KCNH8: variants seen among roughly 807,000 people sequenced by gnomAD.
KCNH8 encodes potassium voltage-gated channel subfamily H member 8.
A neutral mutation model predicts 103.6 loss-of-function variants in KCNH8; 70 were observed. That is an observed-to-expected ratio of 0.68 (90% confidence interval 0.56 to 0.82). KCNH8 has a LOEUF of 0.82. Ranked by LOEUF, KCNH8 falls within the 40% of genes least tolerant of loss-of-function variation. KCNH8 has a pLI of 0.00. For missense variants in KCNH8, 1,217 were observed against 1,329.9 expected, an observed-to-expected ratio of 0.92 and a Z score of 1.32; for synonymous variants, 498 against 489.4, an observed-to-expected ratio of 1.02 and a Z score of -0.23.
intron 2 of KCNH8, 141 bp from the exon 3 acceptor site, chr3:19,281,057 A>G (rs2064750262): frequency 1.3e-6 from 1 of 789,722 alleles, no homozygotes; most frequent in Non-Finnish European, 2.0e-6. Context: ...ATGGAACCTG[A>G]AAACTGACAT....
intron 7 of KCNH8, among the ~76,000 whole-genome samples, chr3:19,432,556 CT>C (rs1414801582): frequency 6.6e-6 from 1 of 151,950 alleles, no homozygotes; most frequent in Non-Finnish European, 1.5e-5. Context: ...TGTTTTTGTC[CT>C]GATGTAATGC....
At chr3:19,219,903 A>G (rs1397463847) in intron 1 of KCNH8, among the ~76,000 whole-genome samples, 2 of 152,188 alleles carry the variant, frequency 1.3e-5, no homozygotes, top group Non-Finnish European at 2.9e-5. Context: ...ACTAGCATCA[A>G]AAGCAAAAAG....
At chr3:19,372,093 G>A (rs1042897896) in intron 5 of KCNH8, among the ~76,000 whole-genome samples, 30 of 152,190 alleles carry the variant, frequency 2.0e-4, no homozygotes, top group South Asian at 1.2e-3. Context: ...TTGGCGATGC[G>A]GGCTCTTTTT....
chr3:19,290,849 A>G (rs1488471997), intron 3 of KCNH8, among the ~76,000 whole-genome samples: 1 of 152,180 alleles, frequency 6.6e-6, no homozygotes, highest in African/African-American at 2.4e-5. Context: ...TACCTGTGGT[A>G]GAATTCGGCT....
intron 11 of KCNH8, among the ~76,000 whole-genome samples, chr3:19,506,286 G>T (rs888026415): frequency 6.6e-6 from 1 of 152,106 alleles, no homozygotes; most frequent in African/African-American, 2.4e-5. Flanking sequence ...TGTGTGGGCT[G>T]GTGTTCCTTT....
chr3:19,155,434 C>T (rs2063171500), intron 1 of KCNH8, among the ~76,000 whole-genome samples: 1 of 152,150 alleles, frequency 6.6e-6, no homozygotes. Context: ...GTCCCTTCTA[C>T]TCCCACTTGT....
chr3:19,246,232 A>G (rs1004455910), intron 1 of KCNH8, among the ~76,000 whole-genome samples: 10 of 150,376 alleles, frequency 6.7e-5, no homozygotes, highest in Non-Finnish European at 1.3e-4. Context: ...AACCATTCAA[A>G]TGAATGATTA....
rs189370654 is a variant in KCNH8 at position 19,414,584 on chromosome 3, C to T, written c.1177+19273C>T. Among the ~76,000 whole-genome samples, 612 of 152,006 alleles carry T rather than the reference C, an allele frequency of 4.0e-3. 5 individuals are homozygous for T. The highest frequency in any genetic ancestry group is 0.014 in the African/African-American group (576 of 41,532). ...CTTATTTGGGATAAAAAAGGAAATACACACACAAAAGGATTGAAAATAAAC... is the reference window on the plus strand; with the variant it reads ...CTTATTTGGGATAAAAAAGGAAATATACACACAAAAGGATTGAAAATAAAC... On this transcript the variant is annotated intron_variant, in intron 7 of 15. Transcript: ENST00000328405.
At chr3:19,322,293 A>G (rs1237674713) in intron 3 of KCNH8, among the ~76,000 whole-genome samples, 1 of 152,064 alleles carries the variant, frequency 6.6e-6, no homozygotes, top group Non-Finnish European at 1.5e-5. Context: ...TGTGAGATTT[A>G]TGCTTTAAGA....
At chr3:19,164,102 A>G (rs1416689960) in intron 1 of KCNH8, among the ~76,000 whole-genome samples, 1 of 152,204 alleles carries the variant, frequency 6.6e-6, no homozygotes, top group Non-Finnish European at 1.5e-5. Flanking sequence ...AACAGCTGAT[A>G]TAACACTGAT....
intron 1 of KCNH8, among the ~76,000 whole-genome samples, chr3:19,240,180 T>C (rs1043761300): frequency 5.3e-5 from 8 of 152,212 alleles, no homozygotes; most frequent in African/African-American, 1.7e-4. Context: ...TTTCTCCTGA[T>C]TTTTTTCAAC....
intron 3 of KCNH8, among the ~76,000 whole-genome samples, chr3:19,296,659 A>G (rs1221207111): frequency 1.3e-5 from 2 of 152,218 alleles, no homozygotes; most frequent in African/African-American, 2.4e-5. Flanking sequence ...ATGCAAAAGC[A>G]TAAGAATGAT....
chr3:19,531,551 T>G (rs1173359388), intron 15 of KCNH8, among the ~76,000 whole-genome samples: 2 of 152,208 alleles, frequency 1.3e-5, no homozygotes, highest in African/African-American at 4.8e-5. Flanking sequence ...ATGCCAGCAG[T>G]AGGGCAGAAA....
intron 4 of KCNH8, chr3:19,346,747 C>T (rs909179463): frequency 3.3e-5 from 15 of 453,562 alleles, no homozygotes; most frequent in South Asian, 1.4e-4. Context: ...AATATGTATT[C>T]GGGAATTTAT....
intron 1 of KCNH8, among the ~76,000 whole-genome samples, chr3:19,205,850 G>A (rs1298959085): frequency 2.0e-5 from 3 of 151,904 alleles, no homozygotes; most frequent in Non-Finnish European, 2.9e-5. Flanking sequence ...TGGGGGAACA[G>A]GGGGTATTTG....
intron 1 of KCNH8, among the ~76,000 whole-genome samples, chr3:19,198,468 T>A (rs1575430005): frequency 6.6e-6 from 1 of 151,940 alleles, no homozygotes; most frequent in African/African-American, 2.4e-5. Flanking sequence ...GTCACAGAGG[T>A]CCATCCTGCC....
At chr3:19,392,867 TA>T (rs1442916960) in intron 6 of KCNH8, among the ~76,000 whole-genome samples, 1 of 152,020 alleles carries the variant, frequency 6.6e-6, no homozygotes, top group East Asian at 1.9e-4. Context: ...ACCATCTGAG[TA>T]ACTTATTTGG....
chr3:19,217,572 C>T (rs542173275), intron 1 of KCNH8, among the ~76,000 whole-genome samples: 1 of 152,160 alleles, frequency 6.6e-6, no homozygotes, highest in South Asian at 2.1e-4. Context: ...TATTAATTAA[C>T]ATAATCCTTA....
chr3:19,253,710 T>A lies in KCNH8; in HGVS notation c.133T>A (p.Cys45Ser), dbSNP rs1364893722. ...GGCTAAGGGTTTCCCCATAGTCTACTGTTCCGATGGCTTCTGCGAGCTTGC... is the reference window on the plus strand; with the variant it reads ...GGCTAAGGGTTTCCCCATAGTCTACAGTTCCGATGGCTTCTGCGAGCTTGC... Reference protein sequence around the residue: ...QVAKGFPIVYCSDGFCELAGF... With the variant: ...QVAKGFPIVYSSDGFCELAGF... Residue 45 changes from cysteine (C) to serine (S), a missense_variant, in exon 2 of 16, where the codon TGT becomes AGT. Cys to Ser is a moderately radical substitution (Grantham distance 112). This residue lies in a region of KCNH8 where 244 missense variants were observed against 256.8 expected (regional missense o/e 0.95). Coordinates refer to ENST00000328405, the MANE Select transcript of KCNH8 (RefSeq NM_144633.3). The A allele has an allele frequency of 1.2e-6, 2 of 1,613,858 alleles. No individual in the cohort carries two copies. Among genetic ancestry groups the A allele is most frequent in the Non-Finnish European group, 1.7e-6 (2 of 1,179,934 alleles).
Sources: allele counts gnomAD v4.1 joint callset (sites outside exome capture counted in the v4.1 genomes callset), GRCh38; gene constraint gnomAD v4.1.1; regional missense constraint gnomAD v4.1.1; transcripts MANE v1.5; gene names NCBI Gene and HGNC (gene_info 2026-07-23, HGNC 2026-07-21).